Variants in RBFOX1 observed in about 807,000 individuals in gnomAD.
RBFOX1 encodes the protein RNA binding protein fox-1 homolog 1.
In RBFOX1, 8 loss-of-function variants were observed where a neutral mutation model predicts 57.7. That is an observed-to-expected ratio of 0.14 (90% CI 0.08 to 0.25). The LOEUF is 0.25. Among genes scored for constraint, RBFOX1 ranks in the 10% least tolerant of loss-of-function variants. RBFOX1 has a pLI of 1.00. For missense variants in RBFOX1, 611 were observed against 548.5 expected, an observed-to-expected ratio of 1.11 and a Z score of -1.14; for synonymous variants, 326 against 222.4, an observed-to-expected ratio of 1.47 and a Z score of -4.15.
chr16:7,042,123 A>G (rs574396796), intron 3 of RBFOX1, among the ~76,000 whole-genome samples: 12 of 152,200 alleles, frequency 7.9e-5, no homozygotes, highest in Admixed American at 1.3e-4. Context: ...TCTTACCTCA[A>G]TAAGCCAAGT....
chr16:5,243,965 C>T (rs1187152877), intron 1 of RBFOX1, among the ~76,000 whole-genome samples: 2 of 151,968 alleles, frequency 1.3e-5, no homozygotes, highest in Non-Finnish European at 2.9e-5. Context: ...GGCATGATCT[C>T]CGCTCACTGC....
chr16:7,063,576 T>C (rs1451577916), intron 4 of RBFOX1, among the ~76,000 whole-genome samples: 1 of 152,210 alleles, frequency 6.6e-6, no homozygotes, highest in Non-Finnish European at 1.5e-5. Context: ...TTGAGAATAG[T>C]ACTTTTCAAA....
intron 1 of RBFOX1, among the ~76,000 whole-genome samples, chr16:6,033,141 G>T (rs991219285): frequency 1.4e-4 from 22 of 152,048 alleles, no homozygotes; most frequent in African/African-American, 5.3e-4. Context: ...TAGTTCCTCC[G>T]CAGACATTGT....
At chr16:5,669,463 AGGCT>A (rs2049950230) in intron 3 of RBFOX1, among the ~76,000 whole-genome samples, 3 of 117,458 alleles carry the variant, frequency 2.6e-5, no homozygotes, top group African/African-American at 9.9e-5. Context: ...TCGTTCTGTT[AGGCT>A]GGAGTGCAGT....
intron 1 of RBFOX1, among the ~76,000 whole-genome samples, chr16:6,128,791 C>A (rs1567521575): frequency 6.6e-6 from 1 of 152,196 alleles, no homozygotes. Context: ...AAACAAGAAT[C>A]TGTGCAGTGC....
chr16:6,537,222 G>A (rs530722728), intron 2 of RBFOX1, among the ~76,000 whole-genome samples: 29 of 152,046 alleles, frequency 1.9e-4, no homozygotes, highest in Non-Finnish European at 3.8e-4. Flanking sequence ...CTTCTAATAA[G>A]CTTCCAGGTG....
intron 1 of RBFOX1, among the ~76,000 whole-genome samples, chr16:6,032,458 G>C (rs1430180947): frequency 6.6e-6 from 1 of 152,184 alleles, no homozygotes; most frequent in African/African-American, 2.4e-5. Context: ...ATCCACTCCA[G>C]GGAGAAAGAG....
At chr16:5,425,064 CTTAT>C (rs1482187730) in intron 1 of RBFOX1, among the ~76,000 whole-genome samples, 2 of 115,052 alleles carry the variant, frequency 1.7e-5, no homozygotes, top group African/African-American at 7.1e-5. Context: ...TCCTTCCTTT[CTTAT>C]CTATCTATCT....
intron 13 of RBFOX1, among the ~76,000 whole-genome samples, chr16:7,676,342 T>A (rs972177333): frequency 2.0e-5 from 3 of 152,218 alleles, no homozygotes; most frequent in African/African-American, 7.2e-5. Context: ...CAGGAAAGCA[T>A]TCACTTTATA....
In RBFOX1 at chr16:7,460,389, A is replaced by ATATATATATATATATG; in HGVS notation, c.28-57757_28-57756insATATATATATATATGT. Among the ~76,000 whole-genome samples the ATATATATATATATATG allele has an allele frequency of 6.3e-4, 55 of 87,208 alleles. 2 individuals are homozygous for ATATATATATATATATG. In the East Asian group the frequency reaches 0.01, roughly 16 times the overall value. 57.2% of individuals were successfully genotyped at this position (87,208 alleles called of 152,430 possible). ...TAGCAAAATATATATATATATATAT[A>ATATATATATATATATG]TGTGTGTGTGTGTGTGTGTGTGTGT... On this transcript the variant is annotated intron_variant, in intron 4 of 15. Transcript: ENST00000550418.
intron 3 of RBFOX1, among the ~76,000 whole-genome samples, chr16:5,726,987 G>C (rs956794672): frequency 6.6e-6 from 1 of 152,310 alleles, no homozygotes; most frequent in East Asian, 1.9e-4. Flanking sequence ...GGCCGGGCAT[G>C]GTGGCTCATG....
intron 1 of RBFOX1, among the ~76,000 whole-genome samples, chr16:5,327,736 A>G (rs2064624285): frequency 6.6e-6 from 1 of 152,202 alleles, no homozygotes; most frequent in South Asian, 2.1e-4. Context: ...CCTACTTTGC[A>G]AAATGAGAGT....
chr16:7,560,497 G>A (rs1464643522), intron 5 of RBFOX1, among the ~76,000 whole-genome samples: 3 of 151,598 alleles, frequency 2.0e-5, no homozygotes, highest in Admixed American at 6.6e-5. Context: ...GTCATCCTGC[G>A]GTGGGAACAT....
chr16:5,848,370 C>T (rs185309202), intron 3 of RBFOX1, among the ~76,000 whole-genome samples: 45 of 152,224 alleles, frequency 3.0e-4, no homozygotes, highest in African/African-American at 9.4e-4. Flanking sequence ...TCTCTTGAAC[C>T]GGGTGCCTTC....
At chr16:5,610,959 C>G (rs921861301) in intron 3 of RBFOX1, among the ~76,000 whole-genome samples, 17 of 152,156 alleles carry the variant, frequency 1.1e-4, no homozygotes, top group African/African-American at 3.6e-4. Flanking sequence ...GGCTGTGGTT[C>G]TCAGGCTAAA....
chr16:6,851,721 A>C (rs1485206985), intron 3 of RBFOX1, among the ~76,000 whole-genome samples: 3 of 152,108 alleles, frequency 2.0e-5, no homozygotes, highest in African/African-American at 4.8e-5. Context: ...GACTTTGGCA[A>C]ATTCAGAGCA....
At chr16:5,683,888 G>A (rs2050423566) in intron 3 of RBFOX1, among the ~76,000 whole-genome samples, 1 of 151,122 alleles carries the variant, frequency 6.6e-6, no homozygotes, top group East Asian at 1.9e-4. Flanking sequence ...AATTGCCTAA[G>A]GTCTTCCCCT....
chr16:7,169,285 C>T (rs897620155), intron 4 of RBFOX1, among the ~76,000 whole-genome samples: 1 of 152,164 alleles, frequency 6.6e-6, no homozygotes, highest in Non-Finnish European at 1.5e-5. Context: ...TTTTGAGTTT[C>T]TATGAGATAC....
At chr16:7,351,724 C>T (rs182204979) in intron 4 of RBFOX1, among the ~76,000 whole-genome samples, 310 of 152,262 alleles carry the variant, frequency 2.0e-3, no homozygotes, top group Non-Finnish European at 2.9e-3. Flanking sequence ...GCCCTAAATA[C>T]CCATGTCCAC....
Sources: gnomAD v4.1 joint callset for allele counts (sites outside exome capture counted in the v4.1 genomes callset) on GRCh38, gnomAD v4.1.1 for gene constraint, MANE v1.5 for transcripts, NCBI Gene and HGNC (gene_info 2026-07-23, HGNC 2026-07-21) for gene names.